Variants in ZNF100 observed in about 807,000 individuals in gnomAD.
The protein encoded by ZNF100 is zinc finger protein 100.
A neutral mutation model predicts 15.8 loss-of-function variants in ZNF100; 12 were observed. The observed-to-expected ratio is 0.76, with a 90% CI of 0.49 to 1.23. The LOEUF (loss-of-function observed/expected upper bound fraction) is 1.23. Among genes scored for constraint, ZNF100 ranks in the 50% most tolerant of loss-of-function variants. ZNF100 has a pLI of 0.00. For missense variants in ZNF100, 670 were observed against 635.6 expected (o/e 1.05, Z -0.58); for synonymous variants, 226 against 214.8 (o/e 1.05, Z -0.45).
At position 21,744,403 on chromosome 19, in the gene ZNF100, C is replaced by T. The variant is rs191649784; in HGVS notation, c.224-288G>A. Among the ~76,000 whole-genome samples, 10 of 152,276 alleles carry T rather than the reference C, an allele frequency of 6.6e-5. No homozygotes were observed. The East Asian group carries it at 9.6e-4, about 15-fold the overall frequency. On this transcript the variant is annotated intron_variant, in intron 3 of 4. Coordinates refer to ENST00000358296, the MANE Select transcript of ZNF100 (RefSeq NM_173531.4). ...TTTATTTATTTTTGAGACGGAGTCT[C>T]GCTCTATTGTCCAGGCTGGAGTGAA... is the stretch of plus-strand genomic sequence containing the variant.
In ZNF100 at chr19:21,727,138, T is replaced by A. The variant is rs1370075433; in HGVS notation, c.1174A>T (p.Lys392Ter). 1.2e-6 allele frequency: 2 copies of A among 1,611,866 alleles called. No homozygotes were observed. The highest frequency in any genetic ancestry group is 1.7e-5 in the Admixed American group (1 of 59,938). The change falls in exon 5 of 5, where the codon AAG becomes TAG. Residue 392 changes from lysine (K) to a stop codon, truncating the protein, a stop_gained. Coordinates refer to ENST00000358296, the MANE Select transcript of ZNF100 (RefSeq NM_173531.4). LOFTEE classifies it low-confidence loss of function (END_TRUNC). The part of the protein sequence containing the change: ...FYRFSYLTKH[K>*]TSHTGEKFYK... Reference sequence around the variant, plus strand: ...AATTTCTCTCCAGTATGACTTGTCTTATGTTTAGTAAGGTATGAGAATCGG... The same window carrying A: ...AATTTCTCTCCAGTATGACTTGTCTAATGTTTAGTAAGGTATGAGAATCGG...
chr19:21,737,083 T>C, intron 4 of ZNF100, among the ~76,000 whole-genome samples: 1 of 149,904 alleles, frequency 6.7e-6, no homozygotes, highest in East Asian at 2.0e-4. Flanking sequence ...AAAAAAACCC[T>C]TCAAAAAAAT....
Position 21,727,702 on chromosome 19 carries a change from G to T in ZNF100, c.610C>A (p.Pro204Thr), listed in dbSNP as rs781162976. 22 of 1,613,164 alleles carry T rather than the reference G, an allele frequency of 1.4e-5. No homozygotes were observed. Among genetic ancestry groups the T allele is most frequent in the Non-Finnish European group, 1.8e-5 (21 of 1,179,770 alleles). Residue 204 changes from proline to threonine, a missense_variant, in exon 5 of 5, where the codon CCT (proline) becomes ACT (threonine). Coordinates refer to ENST00000358296, the MANE Select transcript of ZNF100 (RefSeq NM_173531.4). ...RHKIRHTRKKPFKCKKCEKSF... is the reference protein window; with the variant it reads ...RHKIRHTRKKTFKCKKCEKSF... Reference sequence around the variant, plus strand: ...TTTTCACATTTTTTACATTTGAAAGGTTTCTTTCTAGTATGTCTTATCTTA... The same window carrying T: ...TTTTCACATTTTTTACATTTGAAAGTTTTCTTTCTAGTATGTCTTATCTTA...
chr19:21,727,207 C>T lies in ZNF100; in HGVS notation c.1105G>A (p.Gly369Arg), dbSNP rs1351443170. 1.2e-6 allele frequency: 2 copies of T among 1,613,756 alleles called. No individual in the cohort carries two copies. The highest frequency in any genetic ancestry group is 1.6e-4 in the Middle Eastern group (1 of 6,062). ...TCTTCACATTTGTAAGGTTTCTCTC[C>T]AGCATGAGTTATCTTATGTGTAGTA... The part of the protein sequence containing the change: ...TLTTHKITHA[G>R]EKPYKCEECG... Residue 369 changes from glycine (G) to arginine (R), a missense_variant, in exon 5 of 5, where the codon GGA (glycine) becomes AGA (arginine). By Grantham distance (125) the Gly-to-Arg change is moderately radical. Coordinates refer to ENST00000358296, the MANE Select transcript of ZNF100 (RefSeq NM_173531.4).
chr19:21,735,508 A>G (rs1478770799), intron 4 of ZNF100, among the ~76,000 whole-genome samples: 3 of 151,626 alleles, frequency 2.0e-5, no homozygotes, highest in Non-Finnish European at 4.4e-5. Flanking sequence ...CTCAAAAAAA[A>G]AAAAAAAAAA....
At chr19:21,748,786 ACT>A (rs997512294) in intron 2 of ZNF100, among the ~76,000 whole-genome samples, 51 of 151,988 alleles carry the variant, frequency 3.4e-4, no homozygotes, top group Non-Finnish European at 6.8e-4. Flanking sequence ...CTCAACGCAA[ACT>A]CTACCTCCTG....
chr19:21,755,199 C>T (rs936393312), intron 2 of ZNF100, among the ~76,000 whole-genome samples: 1 of 151,770 alleles, frequency 6.6e-6, no homozygotes, highest in Non-Finnish European at 1.5e-5. Context: ...CCCAGCTACT[C>T]GGGAGGCTAA....
chr19:21,730,370 A>C (rs1392421299), intron 4 of ZNF100, among the ~76,000 whole-genome samples: 1 of 151,978 alleles, frequency 6.6e-6, no homozygotes, highest in Non-Finnish European at 1.5e-5. Flanking sequence ...ATTTTATAAA[A>C]TGTACTGCAA....
At chr19:21,758,545 A>G (rs1266490856) in intron 2 of ZNF100, among the ~76,000 whole-genome samples, 4 of 152,204 alleles carry the variant, frequency 2.6e-5, no homozygotes, top group African/African-American at 9.6e-5. Flanking sequence ...GATTATGAAC[A>G]GGTAGTCCAG....
intron 4 of ZNF100, among the ~76,000 whole-genome samples, chr19:21,736,794 T>G (rs912322411): frequency 6.6e-6 from 1 of 152,154 alleles, no homozygotes; most frequent in African/African-American, 2.4e-5. Flanking sequence ...CTGAATGACT[T>G]CTGAGTAAAT....
At chr19:21,739,595 A>G (rs1183636446) in intron 4 of ZNF100, among the ~76,000 whole-genome samples, 1 of 152,240 alleles carries the variant, frequency 6.6e-6, no homozygotes, top group Non-Finnish European at 1.5e-5. Context: ...GACCAAAATC[A>G]TGCACTGCAT....
intron 2 of ZNF100, among the ~76,000 whole-genome samples, chr19:21,765,489 T>C (rs2145751825): frequency 6.6e-6 from 1 of 152,362 alleles, no homozygotes; most frequent in East Asian, 1.9e-4. Context: ...GAATACTTTT[T>C]GGTAACAAAA....
intron 4 of ZNF100, among the ~76,000 whole-genome samples, chr19:21,742,168 G>A (rs1002136037): frequency 2.8e-4 from 42 of 151,802 alleles, no homozygotes; most frequent in Admixed American, 1.2e-3. Context: ...GTGGTGGCGG[G>A]CACCTACATT....
intron 2 of ZNF100, chr19:21,750,479 A>G (rs1212772460): frequency 6.7e-6 from 1 of 150,126 alleles, no homozygotes; most frequent in Non-Finnish European, 1.5e-5. Context: ...ATCCAGGAGC[A>G]CATCAAAAAA....
At chr19:21,739,696 T>C (rs368876629) in intron 4 of ZNF100, among the ~76,000 whole-genome samples, 147 of 152,142 alleles carry the variant, frequency 9.7e-4, no homozygotes, top group Non-Finnish European at 1.8e-3. Context: ...ACACATGGGC[T>C]GAGTGCAATG....
At position 21,724,997 on chromosome 19, in the gene ZNF100, G is replaced by C. The variant is rs2035750882; in HGVS notation, c.*1686C>G. On this transcript the variant is annotated 3_prime_UTR_variant, in exon 5 of 5. Transcript: ENST00000358296. ...ACCCAGGAGGTGGAGGTTACAGTGA[G>C]CCGAGATCGTGCCACTGCACTCCAG... The C allele has an allele frequency of 6.6e-6, 1 of 152,186 alleles. No homozygotes were observed. The highest frequency in any genetic ancestry group is 2.4e-5 in the African/African-American group (1 of 41,436). 9.4% of individuals were successfully genotyped at this position (152,186 alleles called of 1,614,324 possible).
At chr19:21,751,515 TCGA>T in intron 2 of ZNF100, 1 of 1,105,082 alleles carries the variant, frequency 9.0e-7, no homozygotes. Context: ...TATGCTGAAA[TCGA>T]CATTTGCCCC....
At chr19:21,765,859 G>A (rs1457924762) in intron 1 of ZNF100, 73 bp from the exon 2 acceptor site, 5 of 1,451,762 alleles carry the variant, frequency 3.4e-6, no homozygotes, top group Non-Finnish European at 4.8e-6. Context: ...CGGATATCTC[G>A]GTTTATCCAC....
intron 4 of ZNF100, among the ~76,000 whole-genome samples, chr19:21,739,059 C>A (rs2036061508): frequency 6.6e-6 from 1 of 152,184 alleles, no homozygotes; most frequent in Non-Finnish European, 1.5e-5. Context: ...AGAAATTCGT[C>A]CCCATGACCT....
Sources: allele counts gnomAD v4.1 joint callset (sites outside exome capture counted in the v4.1 genomes callset), GRCh38; gene constraint gnomAD v4.1.1; transcripts MANE v1.5; gene names NCBI Gene and HGNC (gene_info 2026-07-23, HGNC 2026-07-21).